The following LARGE1 variants were observed in gnomAD, a reference collection of about 807,000 sequenced individuals.
LARGE1 encodes the protein xylosyl- and glucuronyltransferase LARGE1.
Under a neutral mutation model 87.6 loss-of-function variants are expected in LARGE1, and 43 were observed. The observed-to-expected ratio is 0.49, with a 90% CI of 0.38 to 0.63. LARGE1 has a LOEUF of 0.63. LARGE1 is among the 30% of genes least tolerant of loss of function. The probability of loss-of-function intolerance (pLI) is 0.00; values close to 1 mark genes in which losing one functional copy is unlikely to be tolerated. For missense variants in LARGE1, 802 were observed against 1,000.2 expected, an observed-to-expected ratio of 0.80 and a Z score of 2.67; for synonymous variants, 434 against 394.6, an observed-to-expected ratio of 1.10 and a Z score of -1.18.
intron 1 of LARGE1, among the ~76,000 whole-genome samples, chr22:33,822,164 A>ATG (rs1346129438): frequency 1.3e-5 from 2 of 152,182 alleles, no homozygotes; most frequent in Non-Finnish European, 2.9e-5. Flanking sequence ...CAACAGCACT[A>ATG]TGTGTGCCCT....
chr22:33,478,103 G>C (rs1356858811), intron 6 of LARGE1, among the ~76,000 whole-genome samples: 2 of 152,194 alleles, frequency 1.3e-5, no homozygotes, highest in Non-Finnish European at 2.9e-5. Flanking sequence ...CACTGGGAGA[G>C]AGGAGGATAG....
chr22:33,811,981 G>A (rs1398403594), intron 1 of LARGE1, among the ~76,000 whole-genome samples: 1 of 152,166 alleles, frequency 6.6e-6, no homozygotes, highest in South Asian at 2.1e-4. Flanking sequence ...AAGTAAGAGA[G>A]GAACAAGGAA....
intron 6 of LARGE1, among the ~76,000 whole-genome samples, chr22:33,488,769 T>C (rs2069696004): frequency 6.6e-6 from 1 of 152,184 alleles, no homozygotes; most frequent in South Asian, 2.1e-4. Flanking sequence ...ATCATCATAA[T>C]CTGGGGAAAC....
At chr22:33,624,106 T>C (rs998194527) in intron 4 of LARGE1, among the ~76,000 whole-genome samples, 5 of 152,328 alleles carry the variant, frequency 3.3e-5, no homozygotes, top group Admixed American at 3.3e-4. Context: ...GTGTCATGAA[T>C]GTGGAACTGA....
intron 5 of LARGE1, among the ~76,000 whole-genome samples, chr22:33,586,494 C>T (rs941020692): frequency 2.7e-5 from 4 of 150,040 alleles, no homozygotes; most frequent in Admixed American, 1.3e-4. Context: ...CTTGCTCTGT[C>T]GCCCAGGCTG....
At chr22:33,605,523 G>T in intron 4 of LARGE1, among the ~76,000 whole-genome samples, 1 of 152,176 alleles carries the variant, frequency 6.6e-6, no homozygotes, top group Admixed American at 6.5e-5. Context: ...TCATCAGGCT[G>T]CTGTGTTGAT....
intron 4 of LARGE1, among the ~76,000 whole-genome samples, chr22:33,623,930 T>C (rs2079837451): frequency 6.6e-6 from 1 of 152,012 alleles, no homozygotes; most frequent in African/African-American, 2.4e-5. Context: ...CTTGGGCAGC[T>C]GTGGCAGGAG....
At chr22:33,479,823 C>T (rs1234959247) in intron 6 of LARGE1, among the ~76,000 whole-genome samples, 1 of 151,198 alleles carries the variant, frequency 6.6e-6, no homozygotes, top group Non-Finnish European at 1.5e-5. Flanking sequence ...CAGCTCACTG[C>T]AACCTCTGTG....
At chr22:33,414,331 T>C (rs2066412409) in intron 7 of LARGE1, among the ~76,000 whole-genome samples, 1 of 152,138 alleles carries the variant, frequency 6.6e-6, no homozygotes. Flanking sequence ...GAATTATTTC[T>C]TAATAGGTAA....
In LARGE1 at chr22:33,351,841, C is replaced by T. The variant is rs750676108; in HGVS notation, c.1132-14040G>A. On this transcript the variant is annotated intron_variant, in intron 9 of 14. Coordinates refer to ENST00000397394, the MANE Select transcript of LARGE1 (RefSeq NM_133642.5). ...ACTGCAACCGCCTCCTGGGTTCAAG[C>T]GATTCTCCTGCCTCAGCCTCCCGAG... 3.0e-4 allele frequency among the ~76,000 whole-genome samples: 46 copies of T among 151,786 alleles called. 1 individual carries two copies. Among genetic ancestry groups the T allele is most frequent in the Non-Finnish European group, 5.4e-4 (37 of 67,970 alleles).
At chr22:33,149,957 T>C in the LARGE1 span, among the ~76,000 whole-genome samples, 3 of 152,212 alleles carry the variant, frequency 2.0e-5, no homozygotes, top group East Asian at 3.8e-4. Context: ...GTCTGTCACC[T>C]AAGTTGGAAA....
At chr22:33,159,363 A>G (rs920271175), downstream of LARGE1, among the ~76,000 whole-genome samples, 17 of 152,158 alleles carry the variant, frequency 1.1e-4, no homozygotes, top group African/African-American at 4.1e-4. Flanking sequence ...TCATTCACAT[A>G]TATATTCATT....
chr22:33,183,850 G>C (rs1354790529), intron 11 of LARGE1, among the ~76,000 whole-genome samples: 1 of 151,890 alleles, frequency 6.6e-6, no homozygotes, highest in Non-Finnish European at 1.5e-5. Context: ...CAGAGGCTGG[G>C]GGGTAGAAGA....
chr22:33,221,155 T>C (rs901920728), intron 11 of LARGE1, among the ~76,000 whole-genome samples: 11 of 138,886 alleles, frequency 7.9e-5, no homozygotes, highest in African/African-American at 3.5e-4. Flanking sequence ...GCTTAATACC[T>C]TGCCGTTGTT....
At chr22:33,348,850 T>C (rs62227567) in intron 9 of LARGE1, among the ~76,000 whole-genome samples, 2,865 of 152,132 alleles carry the variant, frequency 0.019, 42 homozygotes, top group Middle Eastern at 0.031. Context: ...CCAGGTGTTG[T>C]GGGAGGGGCT....
chr22:33,587,197 T>C (rs952662384), intron 5 of LARGE1, among the ~76,000 whole-genome samples: 2 of 152,242 alleles, frequency 1.3e-5, no homozygotes, highest in Non-Finnish European at 2.9e-5. Context: ...TTCATGAATG[T>C]TGGGATTTAG....
In LARGE1 at chr22:33,384,303, C is replaced by T; in HGVS notation, c.894G>A (p.Gly298=). Residue 298 remains glycine, a splice_region_variant and synonymous_variant, in exon 8 of 15, where the codon GGG becomes GGA. Coordinates refer to ENST00000397394, the MANE Select transcript of LARGE1 (RefSeq NM_133642.5). ...GCTTATCCAGAAGTAACAGGATCAC[C>T]CCTGGGCAACAGCACAGGATAAAAG... The part of the protein sequence containing the change: ...WPALGRGYNT[G]VILLLLDKLR... The T allele has an allele frequency of 6.2e-7, 1 of 1,608,860 alleles. No homozygotes were observed. Among genetic ancestry groups the T allele is most frequent in the Non-Finnish European group, 8.5e-7 (1 of 1,175,526 alleles).
At chr22:33,469,498 C>T (rs2068744795) in intron 6 of LARGE1, among the ~76,000 whole-genome samples, 1 of 152,026 alleles carries the variant, frequency 6.6e-6, no homozygotes, top group Non-Finnish European at 1.5e-5. Context: ...AAGAAGAGAA[C>T]AGAAAACTAG....
intron 1 of LARGE1, among the ~76,000 whole-genome samples, chr22:33,914,187 C>A (rs1402946545): frequency 6.6e-6 from 1 of 152,174 alleles, no homozygotes; most frequent in African/African-American, 2.4e-5. Flanking sequence ...TAGTGAGGAG[C>A]CCTCTTTCTA....
Sources: gnomAD v4.1 joint callset for allele counts (sites outside exome capture counted in the v4.1 genomes callset) on GRCh38, gnomAD v4.1.1 for gene constraint, MANE v1.5 for transcripts, NCBI Gene and HGNC (gene_info 2026-07-23, HGNC 2026-07-21) for gene names.